HCN1: variants seen among roughly 807,000 people sequenced by gnomAD.
HCN1 encodes the protein potassium/sodium hyperpolarization-activated cyclic nucleotide-gated channel 1.
HCN1 carries 13 observed loss-of-function variants against 78.9 expected under a neutral mutation model. That is an observed-to-expected ratio of 0.16 (90% CI 0.11 to 0.26). The LOEUF (loss-of-function observed/expected upper bound fraction) is 0.26. Ranked by LOEUF, HCN1 falls within the 10% of genes least tolerant of loss-of-function variation. The probability of loss-of-function intolerance (pLI) is 1.00; values close to 1 mark genes in which losing one functional copy is unlikely to be tolerated. For missense variants in HCN1, 810 were observed against 1,154.3 expected (o/e 0.70, Z 4.32); for synonymous variants, 552 against 455.5 (o/e 1.21, Z -2.70).
intron 5 of HCN1, among the ~76,000 whole-genome samples, chr5:45,352,271 AAGGAC>A (rs1349455094): frequency 6.6e-6 from 1 of 152,042 alleles, no homozygotes; most frequent in Non-Finnish European, 1.5e-5. Flanking sequence ...AAACTATCGG[AAGGAC>A]AAAAAATCGA....
chr5:45,503,121 C>G (rs534696724), intron 2 of HCN1, among the ~76,000 whole-genome samples: 1 of 152,048 alleles, frequency 6.6e-6, no homozygotes, highest in Non-Finnish European at 1.5e-5. Context: ...GGAAGGAGCA[C>G]GTGAATCAGA....
chr5:45,451,469 TTTCTC>T (rs1740917200), intron 3 of HCN1, among the ~76,000 whole-genome samples: 1 of 152,002 alleles, frequency 6.6e-6, no homozygotes, highest in Admixed American at 6.5e-5. Context: ...GTAAATTTCT[TTTCTC>T]TTCTTTTTCC....
chr5:45,271,761 A>C (rs1327030360), intron 6 of HCN1, among the ~76,000 whole-genome samples: 8 of 152,156 alleles, frequency 5.3e-5, no homozygotes, highest in South Asian at 2.1e-4. Flanking sequence ...AATCACCTAC[A>C]AAAATTCCCT....
chr5:45,294,568 T>G (rs1047080666), intron 6 of HCN1, among the ~76,000 whole-genome samples: 1 of 151,998 alleles, frequency 6.6e-6, no homozygotes, highest in Non-Finnish European at 1.5e-5. Context: ...AAAGGAGATA[T>G]TAATAATAAT....
chr5:45,367,348 A>G (rs1054755179), intron 4 of HCN1, among the ~76,000 whole-genome samples: 4 of 151,894 alleles, frequency 2.6e-5, no homozygotes, highest in African/African-American at 9.7e-5. Flanking sequence ...ACACACATAT[A>G]TGTATGTATT....
intron 3 of HCN1, among the ~76,000 whole-genome samples, chr5:45,409,150 T>C (rs1337003297): frequency 1.3e-5 from 2 of 152,102 alleles, no homozygotes; most frequent in Non-Finnish European, 2.9e-5. Context: ...AGAGACTATA[T>C]AAAAGGCTGC....
At chr5:45,312,017 G>A (rs939360102) in intron 5 of HCN1, among the ~76,000 whole-genome samples, 2 of 152,174 alleles carry the variant, frequency 1.3e-5, no homozygotes, top group Non-Finnish European at 2.9e-5. Context: ...TGGAACCCAA[G>A]GTGTACATAT....
intron 6 of HCN1, among the ~76,000 whole-genome samples, chr5:45,279,145 G>T (rs192805379): frequency 1.3e-5 from 2 of 152,210 alleles, no homozygotes; most frequent in African/African-American, 4.8e-5. Context: ...TTTAGCTTGT[G>T]ACTTTAAGCA....
chr5:45,339,416 G>T (rs576803609), intron 5 of HCN1, among the ~76,000 whole-genome samples: 1 of 152,040 alleles, frequency 6.6e-6, no homozygotes, highest in Non-Finnish European at 1.5e-5. Context: ...GTAGCATGAA[G>T]AAAGGCAAAA....
chr5:45,685,673 T>C (rs1360750271), intron 1 of HCN1, among the ~76,000 whole-genome samples: 2 of 151,980 alleles, frequency 1.3e-5, no homozygotes, highest in East Asian at 1.9e-4. Flanking sequence ...CATCGTGCCA[T>C]TGCACTCCAG....
chr5:45,644,958 A>G (rs546552922), intron 2 of HCN1: 2 of 540,122 alleles, frequency 3.7e-6, no homozygotes, highest in Non-Finnish European at 6.5e-6. Flanking sequence ...AATAAAATAA[A>G]TTGGCATAAA....
intron 1 of HCN1, among the ~76,000 whole-genome samples, chr5:45,667,927 T>G (rs922584446): frequency 1.3e-5 from 2 of 152,040 alleles, no homozygotes; most frequent in African/African-American, 4.8e-5. Flanking sequence ...TTGTTCATTC[T>G]ATGTTTACAG....
chr5:45,279,655 CAGATT>C (rs1385386591), intron 6 of HCN1, among the ~76,000 whole-genome samples: 1 of 152,066 alleles, frequency 6.6e-6, no homozygotes, highest in Admixed American at 6.6e-5. Flanking sequence ...GTTCCTTGCT[CAGATT>C]AAACAATCAT....
intron 1 of HCN1, among the ~76,000 whole-genome samples, chr5:45,647,636 C>T (rs1745577552): frequency 6.6e-6 from 1 of 152,172 alleles, no homozygotes; most frequent in Admixed American, 6.6e-5. Flanking sequence ...TCCTAATCCT[C>T]ATAATCAGTA....
chr5:45,374,907 G>T (rs913200387), intron 4 of HCN1, among the ~76,000 whole-genome samples: 2 of 144,514 alleles, frequency 1.4e-5, no homozygotes, highest in African/African-American at 5.1e-5. Flanking sequence ...CAGAGAGAGA[G>T]AGAGAGAACT....
intron 3 of HCN1, among the ~76,000 whole-genome samples, chr5:45,416,013 C>T (rs943516096): frequency 6.6e-6 from 1 of 151,930 alleles, no homozygotes; most frequent in Non-Finnish European, 1.5e-5. Flanking sequence ...CCTTAAGATT[C>T]AGGGTATTTC....
chr5:45,462,493 C>T (rs1579910653), intron 2 of HCN1, among the ~76,000 whole-genome samples: 1 of 152,104 alleles, frequency 6.6e-6, no homozygotes, highest in Middle Eastern at 3.4e-3. Context: ...TAATAAATTA[C>T]AGTTAAATTT....
At chr5:45,691,358 T>C (rs1338932358) in intron 1 of HCN1, among the ~76,000 whole-genome samples, 1 of 152,102 alleles carries the variant, frequency 6.6e-6, no homozygotes, top group Non-Finnish European at 1.5e-5. Context: ...TCTTATAATA[T>C]TTTAATAGTA....
chr5:45,371,855 A>G (rs1475998333), intron 4 of HCN1, among the ~76,000 whole-genome samples: 2 of 127,434 alleles, frequency 1.6e-5, no homozygotes, highest in South Asian at 2.2e-4. Flanking sequence ...AAATATATAT[A>G]ATATACATTA....
Sources: gnomAD v4.1 joint callset for allele counts (sites outside exome capture counted in the v4.1 genomes callset) on GRCh38, gnomAD v4.1.1 for gene constraint, MANE v1.5 for transcripts, NCBI Gene and HGNC (gene_info 2026-07-23, HGNC 2026-07-21) for gene names.